MAGI2: variants seen among roughly 807,000 people sequenced by gnomAD.
MAGI2 encodes the protein membrane associated guanylate kinase, WW and PDZ domain containing 2, also known as membrane-associated guanylate kinase, WW and PDZ domain-containing protein 2.
In MAGI2, 35 loss-of-function variants were observed where a neutral mutation model predicts 133.3. The observed-to-expected ratio is 0.26, with a 90% CI of 0.20 to 0.35. The LOEUF is 0.35. Among genes scored for constraint, MAGI2 ranks in the 10% least tolerant of loss-of-function variants. The probability of loss-of-function intolerance (pLI) is 1.00; values close to 1 mark genes in which losing one functional copy is unlikely to be tolerated. For missense variants in MAGI2, 1,636 were observed against 1,863.4 expected (o/e 0.88, Z 2.25); for synonymous variants, 729 against 710.6 (o/e 1.03, Z -0.41).
At chr7:78,424,980 G>A (rs535564568) in intron 6 of MAGI2, among the ~76,000 whole-genome samples, 1 of 152,286 alleles carries the variant, frequency 6.6e-6, no homozygotes, top group East Asian at 1.9e-4. Context: ...TTAGGGGACT[G>A]TTGAGAAGGG....
At chr7:78,488,976 A>G (rs1232081946) in intron 6 of MAGI2, among the ~76,000 whole-genome samples, 1 of 152,046 alleles carries the variant, frequency 6.6e-6, no homozygotes, top group African/African-American at 2.4e-5. Context: ...AGCTCTAATA[A>G]TTTAATCACA....
At chr7:78,775,089 G>A (rs1020705549) in intron 2 of MAGI2, among the ~76,000 whole-genome samples, 26 of 151,606 alleles carry the variant, frequency 1.7e-4, no homozygotes, top group Admixed American at 1.1e-3. Context: ...CGAGGTGGGC[G>A]GATCACGAGA....
chr7:78,787,408 T>C (rs533882338), intron 2 of MAGI2, among the ~76,000 whole-genome samples: 1 of 152,278 alleles, frequency 6.6e-6, no homozygotes, highest in Admixed American at 6.5e-5. Context: ...CATTAAGTTA[T>C]CTCAGGGTAC....
intron 7 of MAGI2, among the ~76,000 whole-genome samples, chr7:78,350,894 T>C (rs1049208980): frequency 6.6e-6 from 1 of 152,212 alleles, no homozygotes; most frequent in African/African-American, 2.4e-5. Flanking sequence ...CCCACCTTGC[T>C]TCTCCTGGGG....
At chr7:78,634,626 T>G (rs1809434372) in intron 2 of MAGI2, among the ~76,000 whole-genome samples, 1 of 152,236 alleles carries the variant, frequency 6.6e-6, no homozygotes, top group Admixed American at 6.5e-5. Flanking sequence ...GGAAACAAGT[T>G]AAATTTCTTG....
rs528075363 is a variant in MAGI2, at chr7:78,736,071, A to T, written c.419-108832T>A. On this transcript the variant is annotated intron_variant, in intron 2 of 21. Transcript: ENST00000354212. ...AAGACGTGAAATATTATACGAATTC[A>T]TGAATAAGCACAAAGAGAGATAAGA... Among the ~76,000 whole-genome samples the T allele has an allele frequency of 1.3e-3, 201 of 152,334 alleles. 2 individuals are homozygous for T. The Middle Eastern group carries it at 0.031, about 23-fold the overall frequency.
At chr7:78,970,145 AATAGCTTCATAAT>A (rs1803666531) in intron 2 of MAGI2, among the ~76,000 whole-genome samples, 1 of 152,088 alleles carries the variant, frequency 6.6e-6, no homozygotes, top group African/African-American at 2.4e-5. Flanking sequence ...ACAATTTTTA[AATAGCTTCATAAT>A]CAACTAGATT....
At chr7:78,995,771 T>C (rs1195973685) in intron 2 of MAGI2, among the ~76,000 whole-genome samples, 1 of 152,164 alleles carries the variant, frequency 6.6e-6, no homozygotes, top group African/African-American at 2.4e-5. Flanking sequence ...TTCAGAAGCA[T>C]GCTTATGGTT....
intron 2 of MAGI2, among the ~76,000 whole-genome samples, chr7:78,894,487 A>G (rs1297708617): frequency 6.6e-6 from 1 of 152,216 alleles, no homozygotes; most frequent in African/African-American, 2.4e-5. Flanking sequence ...AGGAAAAATA[A>G]TTAGTCTTCA....
At chr7:78,186,978 G>C (rs1827755343) in intron 12 of MAGI2, among the ~76,000 whole-genome samples, 2 of 152,136 alleles carry the variant, frequency 1.3e-5, no homozygotes, top group South Asian at 4.2e-4. Flanking sequence ...CAAACCTCTG[G>C]TCAAGAAATA....
intron 2 of MAGI2, among the ~76,000 whole-genome samples, chr7:78,768,551 A>C (rs901329191): frequency 6.6e-6 from 1 of 152,190 alleles, no homozygotes; most frequent in Non-Finnish European, 1.5e-5. Context: ...GAAGGTGCTC[A>C]CGATGAAAAC....
chr7:78,081,229 C>T (rs914753686), intron 20 of MAGI2, among the ~76,000 whole-genome samples: 1 of 152,170 alleles, frequency 6.6e-6, no homozygotes, highest in Non-Finnish European at 1.5e-5. Context: ...TATTATGCCT[C>T]ATTACAGATT....
intron 2 of MAGI2, among the ~76,000 whole-genome samples, chr7:78,693,459 A>C (rs985656882): frequency 6.6e-6 from 1 of 152,198 alleles, no homozygotes; most frequent in Non-Finnish European, 1.5e-5. Flanking sequence ...GCAGAATCAA[A>C]AAGTTTCAGA....
chr7:78,991,843 C>A (rs1438786593), intron 2 of MAGI2, among the ~76,000 whole-genome samples: 4 of 152,064 alleles, frequency 2.6e-5, no homozygotes, highest in Non-Finnish European at 4.4e-5. Context: ...TGCTAACTAG[C>A]AAATTGTGAC....
chr7:78,891,615 C>T (rs1297601030), intron 2 of MAGI2, among the ~76,000 whole-genome samples: 1 of 152,152 alleles, frequency 6.6e-6, no homozygotes, highest in Non-Finnish European at 1.5e-5. Flanking sequence ...TAAACAGAAC[C>T]AATGACAAAA....
chr7:78,864,532 T>C (rs1353425817), intron 2 of MAGI2, among the ~76,000 whole-genome samples: 3 of 152,236 alleles, frequency 2.0e-5, no homozygotes, highest in South Asian at 4.1e-4. Flanking sequence ...CCTGCTGATA[T>C]GCAAAGAATT....
chr7:78,531,350 G>A (rs1044230849), intron 3 of MAGI2, among the ~76,000 whole-genome samples: 4 of 151,712 alleles, frequency 2.6e-5, no homozygotes, highest in African/African-American at 9.7e-5. Context: ...AGTAGCTGGG[G>A]CTACAGGCAT....
chr7:78,922,877 T>C (rs920935937), intron 2 of MAGI2, among the ~76,000 whole-genome samples: 5 of 151,370 alleles, frequency 3.3e-5, no homozygotes, highest in Non-Finnish European at 5.9e-5. Context: ...TTTTTAATGA[T>C]TGCCATTCTA....
intron 6 of MAGI2, among the ~76,000 whole-genome samples, chr7:78,461,282 G>C (rs1789959471): frequency 1.3e-5 from 2 of 152,106 alleles, no homozygotes; most frequent in African/African-American, 4.8e-5. Context: ...AGCACTCTAA[G>C]AGAGGGTTTG....
Sources: gnomAD v4.1 joint callset for allele counts (sites outside exome capture counted in the v4.1 genomes callset) on GRCh38, gnomAD v4.1.1 for gene constraint, MANE v1.5 for transcripts, NCBI Gene and HGNC (gene_info 2026-07-23, HGNC 2026-07-21) for gene names.